The following PICALM variants were observed in gnomAD, a reference collection of about 807,000 sequenced individuals.
PICALM encodes the protein phosphatidylinositol-binding clathrin assembly protein.
PICALM carries 40 observed loss-of-function variants against 80.5 expected under a neutral mutation model. The observed-to-expected ratio is 0.50, with a 90% CI of 0.39 to 0.65. The LOEUF is 0.65. PICALM is among the 30% of genes least tolerant of loss of function. The probability of loss-of-function intolerance (pLI) is 0.00; values close to 1 mark genes in which losing one functional copy is unlikely to be tolerated. For missense variants in PICALM, 676 were observed against 778.9 expected, an observed-to-expected ratio of 0.87 and a Z score of 1.57; for synonymous variants, 288 against 260.3, an observed-to-expected ratio of 1.11 and a Z score of -1.02.
At chr11:86,065,885 A>G (rs1319022077) in intron 1 of PICALM, among the ~76,000 whole-genome samples, 6 of 152,212 alleles carry the variant, frequency 3.9e-5, no homozygotes, top group African/African-American at 1.4e-4. Context: ...TCTTGGCGAG[A>G]AACTGACAGA....
chr11:85,965,807 GTTTTTTTGTT>G (rs955976609), intron 19 of PICALM, among the ~76,000 whole-genome samples: 7 of 79,260 alleles, frequency 8.8e-5, no homozygotes, highest in South Asian at 4.5e-4. Context: ...TACCCATTTT[GTTTTTTTGTT>G]TTTTTTTTTT....
At chr11:86,001,353 G>A (rs1434797236) in intron 9 of PICALM, among the ~76,000 whole-genome samples, 195 bp from the exon 10 acceptor site, 2 of 152,156 alleles carry the variant, frequency 1.3e-5, no homozygotes, top group Admixed American at 6.5e-5. Flanking sequence ...GAAAAATCTT[G>A]ACTTAATATA....
At chr11:86,048,870 G>A (rs1200677379) in intron 1 of PICALM, among the ~76,000 whole-genome samples, 5 of 150,320 alleles carry the variant, frequency 3.3e-5, no homozygotes, top group African/African-American at 1.2e-4. Flanking sequence ...ATTACTGCCT[G>A]CTAAACTGTA....
Position 85,970,836 on chromosome 11 carries a change from T to C in PICALM, c.1944+3872A>G, listed in dbSNP as rs555417240. 2.0e-4 allele frequency among the ~76,000 whole-genome samples: 30 copies of C among 152,256 alleles called. 1 individual carries two copies. Among genetic ancestry groups the C allele is most frequent in the Admixed American group, 6.5e-4 (10 of 15,292 alleles). On this transcript the variant is annotated intron_variant, in intron 19 of 19. Coordinates refer to ENST00000393346, the MANE Select transcript of PICALM (RefSeq NM_007166.4). ...AAAAAAGATTCACCTCCCTAAATGT[T>C]TGAGTATGGAGATGGGTATTACAAA...
chr11:85,961,446 G>A (rs182182777), intron 19 of PICALM, among the ~76,000 whole-genome samples: 1 of 152,276 alleles, frequency 6.6e-6, no homozygotes, highest in Admixed American at 6.5e-5. Context: ...TTCCTGTTTG[G>A]ACAAATTTAC....
chr11:85,960,594 A>C lies in PICALM; in HGVS notation c.1945-1534T>G, dbSNP rs2135265355. 5.3e-6 allele frequency: 3 copies of C among 565,170 alleles called. 1 individual carries two copies. The Admixed American group carries it at 7.3e-5, about 14-fold the overall frequency. 35.0% of individuals were successfully genotyped at this position (565,170 alleles called of 1,614,324 possible). A position where few individuals can be genotyped will look rare whatever the true frequency, so the allele number is the denominator to read the frequency against. ...GCCTAGAGTCCTTTAAAGAAATGAA[A>C]GAGAAGCGTGAATTGTGTTTAATGT... On this transcript the variant is annotated intron_variant, in intron 19 of 19. Transcript: ENST00000393346.
intron 1 of PICALM, among the ~76,000 whole-genome samples, chr11:86,054,909 T>A (rs1338714525): frequency 1.3e-5 from 2 of 152,156 alleles, no homozygotes; most frequent in Non-Finnish European, 2.9e-5. Flanking sequence ...AGTGCTGGGA[T>A]TACAGGCGTG....
chr11:85,958,856 G>A lies in PICALM; in HGVS notation c.*190C>T. 1 of 492,372 alleles carries A rather than the reference G, an allele frequency of 2.0e-6. No homozygotes were observed. Among genetic ancestry groups the A allele is most frequent in the Non-Finnish European group, 3.7e-6 (1 of 268,646 alleles). The allele number at this position is 492,372 out of a possible 1,614,324, so 30.5% of individuals were successfully genotyped here. On this transcript the variant is annotated 3_prime_UTR_variant, in exon 20 of 20. Transcript: ENST00000393346. ...ATAGCAATTCTTGGCTTTATAAACT[G>A]TATTGATACGTTCTCCTATAAACTA...
In PICALM at chr11:86,056,144, A is replaced by AAAAAAAAG. The variant is rs764339723; in HGVS notation, c.130+12506_130+12507insCTTTTTTT. 3.7e-3 allele frequency among the ~76,000 whole-genome samples: 441 copies of AAAAAAAAG among 118,942 alleles called. 27 individuals are homozygous for AAAAAAAAG. The highest frequency in any genetic ancestry group is 0.011 in the African/African-American group (406 of 36,198). The allele number at this position is 118,942 out of a possible 152,430, so 78.0% of individuals were successfully genotyped here. A position where few individuals can be genotyped will look rare whatever the true frequency, so the allele number is the denominator to read the frequency against. On this transcript the variant is annotated intron_variant, in intron 1 of 19. Transcript: ENST00000393346. Reference sequence around the variant, plus strand: ...AACAAGACTCTGTCTTTAAAAAAAAAAAAAAAGAAAAAACCCTTGAAAAAT... The same window carrying AAAAAAAAG: ...AACAAGACTCTGTCTTTAAAAAAAAAAAAAAAAGAAAAAAGAAAAAACCCTTGAAAAAT...
At chr11:85,960,177 C>T (rs933326460) in intron 19 of PICALM, among the ~76,000 whole-genome samples, 1 of 146,618 alleles carries the variant, frequency 6.8e-6, no homozygotes, top group Non-Finnish European at 1.5e-5. Flanking sequence ...AGATATTTCA[C>T]TCACAATTTC....
chr11:86,014,803 T>A, intron 5 of PICALM, 67 bp downstream of exon 5: 1 of 872,274 alleles, frequency 1.1e-6, no homozygotes, highest in East Asian at 2.9e-5. Context: ...AAACTTGAGG[T>A]TAAAAATTCT....
chr11:85,972,231 T>A (rs1196019929), intron 19 of PICALM, among the ~76,000 whole-genome samples: 3 of 152,218 alleles, frequency 2.0e-5, no homozygotes, highest in Non-Finnish European at 4.4e-5. Flanking sequence ...AGTAGTTACA[T>A]CCTGAATGTG....
intron 1 of PICALM, among the ~76,000 whole-genome samples, chr11:86,046,182 C>T (rs767174274): frequency 3.3e-5 from 5 of 152,108 alleles, no homozygotes; most frequent in Non-Finnish European, 7.4e-5. Flanking sequence ...TTTTAATTTG[C>T]CATCACTGAA....
At chr11:86,035,804 C>T (rs182663871) in intron 1 of PICALM, among the ~76,000 whole-genome samples, 216 of 151,418 alleles carry the variant, frequency 1.4e-3, no homozygotes, top group African/African-American at 4.4e-3. Context: ...AAAAATTAGC[C>T]GGGCATGGTG....
At chr11:86,047,474 T>C (rs549937698) in intron 1 of PICALM, among the ~76,000 whole-genome samples, 16 of 152,346 alleles carry the variant, frequency 1.1e-4, no homozygotes, top group Non-Finnish European at 1.9e-4. Context: ...CCTTAATTTA[T>C]AAGCAAGTTT....
At chr11:85,959,810 C>T (rs2093629411) in intron 19 of PICALM, among the ~76,000 whole-genome samples, 1 of 151,910 alleles carries the variant, frequency 6.6e-6, no homozygotes, top group Admixed American at 6.6e-5. Flanking sequence ...GAACTACTAG[C>T]CCCAAGTGAT....
At chr11:86,035,321 T>TCA (rs2095822146) in intron 1 of PICALM, among the ~76,000 whole-genome samples, 1 of 152,150 alleles carries the variant, frequency 6.6e-6, no homozygotes, top group Non-Finnish European at 1.5e-5. Context: ...CACTCAGGGT[T>TCA]CACTTCTACA....
At chr11:86,040,609 G>A (rs2137037067) in intron 1 of PICALM, among the ~76,000 whole-genome samples, 2 of 152,224 alleles carry the variant, frequency 1.3e-5, no homozygotes, top group South Asian at 4.1e-4. Flanking sequence ...TATTTAAATA[G>A]GTTAAATAAA....
At chr11:85,965,217 C>G (rs962865268) in intron 19 of PICALM, among the ~76,000 whole-genome samples, 3 of 152,142 alleles carry the variant, frequency 2.0e-5, no homozygotes, top group African/African-American at 7.2e-5. Flanking sequence ...ATACCTTCCA[C>G]CATACTATCA....
Sources: allele counts gnomAD v4.1 joint callset (sites outside exome capture counted in the v4.1 genomes callset), GRCh38; gene constraint gnomAD v4.1.1; transcripts MANE v1.5; gene names NCBI Gene and HGNC (gene_info 2026-07-23, HGNC 2026-07-21).